The following APBB2 variants were observed in gnomAD, a reference collection of about 807,000 sequenced individuals.
APBB2 encodes Fe65-like 1.
Under a neutral mutation model 82.5 loss-of-function variants are expected in APBB2, and 38 were observed. That is an observed-to-expected ratio of 0.46 (90% CI 0.36 to 0.60). The LOEUF is 0.60. Among genes scored for constraint, APBB2 ranks in the 20% least tolerant of loss-of-function variants. The probability of loss-of-function intolerance (pLI) is 0.00; values close to 1 mark genes in which losing one functional copy is unlikely to be tolerated. For synonymous variants in APBB2, 341 were observed against 368.2 expected (o/e 0.93, Z 0.85); for missense variants, 772 against 972.3 (o/e 0.79, Z 2.74).
chr4:41,148,755 G>A (rs986721320), intron 1 of APBB2, among the ~76,000 whole-genome samples: 1 of 152,126 alleles, frequency 6.6e-6, no homozygotes, highest in Non-Finnish European at 1.5e-5. Context: ...TTGGTTGCTT[G>A]TTAGCTCATT....
chr4:40,876,851 G>T (rs1368485167), intron 12 of APBB2, among the ~76,000 whole-genome samples: 1 of 152,206 alleles, frequency 6.6e-6, no homozygotes, highest in Admixed American at 6.5e-5. Context: ...TCACTGCTGT[G>T]TGGATATCTG....
intron 12 of APBB2, among the ~76,000 whole-genome samples, chr4:40,862,449 T>C (rs1178365742): frequency 6.6e-6 from 1 of 152,198 alleles, no homozygotes; most frequent in Admixed American, 6.5e-5. Flanking sequence ...CCTTAAATAT[T>C]TGAGACTATT....
At chr4:41,128,582 T>G (rs1295779252) in intron 2 of APBB2, among the ~76,000 whole-genome samples, 1 of 152,246 alleles carries the variant, frequency 6.6e-6, no homozygotes, top group Non-Finnish European at 1.5e-5. Context: ...ATGACTCCAG[T>G]TTTGTCCTCC....
At chr4:41,005,452 A>G (rs575986668) in intron 6 of APBB2, among the ~76,000 whole-genome samples, 71 of 152,228 alleles carry the variant, frequency 4.7e-4, no homozygotes, top group African/African-American at 1.7e-3. Context: ...ATCTGGGCAA[A>G]TAGCTCATGA....
chr4:40,982,387 GAAGGA>G (rs1553894023), intron 6 of APBB2, among the ~76,000 whole-genome samples: 3 of 11,006 alleles, frequency 2.7e-4, no homozygotes, highest in Admixed American at 2.6e-3. Flanking sequence ...AGGAAGGAAG[GAAGGA>G]AAGGAAAGGA....
At chr4:40,821,787 C>T (rs776473802) in intron 17 of APBB2, 84 bp downstream of exon 17, 149 of 1,482,766 alleles carry the variant, frequency 1.0e-4, no homozygotes, top group Middle Eastern at 4.9e-4. Context: ...TTTTCATTTC[C>T]GTGAGTGATT....
At chr4:41,167,738 C>T (rs748115884) in intron 1 of APBB2, among the ~76,000 whole-genome samples, 2 of 152,188 alleles carry the variant, frequency 1.3e-5, no homozygotes, top group Admixed American at 6.5e-5. Context: ...TCTCAGTGAC[C>T]AGCTGTGAGC....
intron 12 of APBB2, among the ~76,000 whole-genome samples, chr4:40,859,328 G>A (rs1199738746): frequency 1.3e-5 from 2 of 150,462 alleles, no homozygotes; most frequent in East Asian, 3.9e-4. Context: ...CTAGTGCAGT[G>A]GCCGCTATCT....
chr4:40,903,598 A>C (rs561063149), intron 10 of APBB2, among the ~76,000 whole-genome samples: 1 of 152,364 alleles, frequency 6.6e-6, no homozygotes, highest in South Asian at 2.1e-4. Context: ...TTAAAGGAGA[A>C]GGGTGTTACC....
chr4:40,926,063 C>T (rs1364596518), intron 10 of APBB2, among the ~76,000 whole-genome samples: 1 of 152,170 alleles, frequency 6.6e-6, no homozygotes, highest in Non-Finnish European at 1.5e-5. Context: ...TGAGCAGCTG[C>T]GAACTGGTTG....
chr4:40,900,646 AGG>A (rs1486898667), intron 10 of APBB2, among the ~76,000 whole-genome samples: 1 of 151,716 alleles, frequency 6.6e-6, no homozygotes, highest in Non-Finnish European at 1.5e-5. Flanking sequence ...TAGTAGAGAC[AGG>A]GTTTCACCAT....
intron 12 of APBB2, among the ~76,000 whole-genome samples, chr4:40,846,774 C>G (rs1400206636): frequency 6.6e-6 from 1 of 152,044 alleles, no homozygotes; most frequent in African/African-American, 2.4e-5. Context: ...TTTCTCATGC[C>G]ATTGGAGGGA....
At chr4:41,130,598 G>C (rs986755244) in intron 2 of APBB2, among the ~76,000 whole-genome samples, 1 of 152,140 alleles carries the variant, frequency 6.6e-6, no homozygotes, top group Non-Finnish European at 1.5e-5. Flanking sequence ...GAGGGCCCCA[G>C]AGGGTGGCCC....
intron 1 of APBB2, among the ~76,000 whole-genome samples, chr4:41,159,956 AGAAGG>A: frequency 2.6e-5 from 2 of 76,344 alleles, no homozygotes; most frequent in African/African-American, 5.2e-5. Context: ...AAGGAGAAGG[AGAAGG>A]AGAAGAAGAA....
chr4:41,176,990 A>G (rs1470442238), intron 1 of APBB2, among the ~76,000 whole-genome samples: 2 of 51,610 alleles, frequency 3.9e-5, no homozygotes, highest in Admixed American at 2.8e-4. Context: ...ATAGTGTACC[A>G]AAAAAAAAAA....
chr4:41,208,886 TTC>T lies in APBB2; in HGVS notation c.-417+5517_-417+5518del, dbSNP rs1301862512. On this transcript the variant is annotated intron_variant, in intron 1 of 17. Coordinates refer to ENST00000508593, the MANE Select transcript of APBB2 (RefSeq NM_004307.2). The stretch of plus-strand genomic sequence containing the variant: ...ATCAATAAATTATATATTGGGATTT[TTC>T]TCTGATTATAAAATAAATATACGTC... Among the ~76,000 whole-genome samples, 8 of 152,348 alleles carry T rather than the reference TTC, an allele frequency of 5.3e-5. No homozygotes were observed. In the East Asian group the frequency reaches 5.8e-4, roughly 11 times the overall value.
intron 12 of APBB2, among the ~76,000 whole-genome samples, chr4:40,871,665 C>T (rs1437264764): frequency 2.0e-5 from 3 of 152,216 alleles, no homozygotes; most frequent in Non-Finnish European, 4.4e-5. Flanking sequence ...GGACATAATG[C>T]TACACCCTGT....
intron 12 of APBB2, among the ~76,000 whole-genome samples, chr4:40,856,293 T>C (rs1761160237): frequency 6.6e-6 from 1 of 152,214 alleles, no homozygotes; most frequent in African/African-American, 2.4e-5. Flanking sequence ...CTGGTTACAA[T>C]ATTGGTATAG....
At chr4:41,086,500 A>G (rs1352235057) in intron 3 of APBB2, among the ~76,000 whole-genome samples, 1 of 152,238 alleles carries the variant, frequency 6.6e-6, no homozygotes, top group Admixed American at 6.5e-5. Context: ...GAATGCAAGG[A>G]TAGTTCAACA....
Sources: allele counts gnomAD v4.1 joint callset (sites outside exome capture counted in the v4.1 genomes callset), GRCh38; gene constraint gnomAD v4.1.1; transcripts MANE v1.5; gene names NCBI Gene and HGNC (gene_info 2026-07-23, HGNC 2026-07-21).